The following CRK variants were observed in gnomAD, a reference collection of about 807,000 sequenced individuals.
CRK encodes adapter molecule crk.
A neutral mutation model predicts 29.8 loss-of-function variants in CRK; 4 were observed. The observed-to-expected ratio is 0.13, with a 90% CI of 0.07 to 0.31. The LOEUF is 0.31. Ranked by LOEUF, CRK falls within the 10% of genes least tolerant of loss-of-function variation. The probability of loss-of-function intolerance (pLI) is 1.00; values close to 1 mark genes in which losing one functional copy is unlikely to be tolerated. For synonymous variants in CRK, 153 were observed against 164.9 expected (o/e 0.93, Z 0.55); for missense variants, 274 against 396.5 (o/e 0.69, Z 2.62).
intron 2 of CRK, among the ~76,000 whole-genome samples, chr17:1,425,232 G>A (rs1236631291): frequency 1.3e-5 from 2 of 151,746 alleles, no homozygotes; most frequent in East Asian, 3.9e-4. Context: ...TGGGACTACA[G>A]CCGCCCGCCA....
At chr17:1,425,120 C>T (rs899715410) in intron 2 of CRK, among the ~76,000 whole-genome samples, 5 of 151,718 alleles carry the variant, frequency 3.3e-5, no homozygotes, top group Admixed American at 6.6e-5. Context: ...GACAGAGTCT[C>T]GATCTGTTGC....
intron 1 of CRK, among the ~76,000 whole-genome samples, chr17:1,452,453 C>T (rs76225067): frequency 6.6e-6 from 1 of 152,138 alleles, no homozygotes; most frequent in East Asian, 1.9e-4. Context: ...AGATTCAGTA[C>T]TTAGTACTTG....
intron 1 of CRK, among the ~76,000 whole-genome samples, chr17:1,450,194 G>A (rs1289317343): frequency 6.6e-6 from 1 of 151,900 alleles, no homozygotes; most frequent in African/African-American, 2.4e-5. Flanking sequence ...AACAGAGCAA[G>A]ACTCTGTCTC....
chr17:1,441,585 G>A (rs1321724859), intron 1 of CRK, among the ~76,000 whole-genome samples: 3 of 151,476 alleles, frequency 2.0e-5, no homozygotes, highest in African/African-American at 4.9e-5. Flanking sequence ...TCCACCTCCC[G>A]GGTTCAAGCA....
intron 2 of CRK, among the ~76,000 whole-genome samples, chr17:1,432,711 A>T (rs1372637500): frequency 6.7e-6 from 1 of 149,818 alleles, no homozygotes; most frequent in Non-Finnish European, 1.5e-5. Flanking sequence ...CAGGAGGCGG[A>T]GCTTGCAGTG....
intron 1 of CRK, among the ~76,000 whole-genome samples, chr17:1,453,287 G>GT (rs767234132): frequency 2.2e-4 from 33 of 152,230 alleles, no homozygotes; most frequent in Admixed American, 9.8e-4. Flanking sequence ...GATTATCACG[G>GT]TAAGTGTTGA....
intron 2 of CRK, among the ~76,000 whole-genome samples, chr17:1,426,062 G>C (rs1264463727): frequency 6.6e-6 from 1 of 150,596 alleles, no homozygotes; most frequent in Non-Finnish European, 1.5e-5. Flanking sequence ...GCCAAGCGTG[G>C]CCAAGCGTGC....
At chr17:1,432,476 TAAAAAAAAAA>T (rs59669841) in intron 2 of CRK, among the ~76,000 whole-genome samples, 10,048 of 100,916 alleles carry the variant, frequency 0.1, 481 homozygotes, top group South Asian at 0.19. Flanking sequence ...GACCTTGTCT[TAAAAAAAAAA>T]AAAAAAAAAG....
intron 1 of CRK, among the ~76,000 whole-genome samples, chr17:1,445,534 G>C (rs531092706): frequency 6.6e-6 from 1 of 152,192 alleles, no homozygotes; most frequent in Non-Finnish European, 1.5e-5. Flanking sequence ...CTGTAGCAGA[G>C]CACGGAGGTG....
chr17:1,439,736 A>T (rs2073919446), intron 1 of CRK, among the ~76,000 whole-genome samples: 2 of 151,984 alleles, frequency 1.3e-5, no homozygotes, highest in Admixed American at 6.6e-5. Context: ...CCAGCTACTC[A>T]GGACACTCAG....
At chr17:1,429,002 C>G (rs768313848) in intron 2 of CRK, among the ~76,000 whole-genome samples, 4 of 151,676 alleles carry the variant, frequency 2.6e-5, no homozygotes, top group Admixed American at 6.6e-5. Flanking sequence ...CACGCCACCA[C>G]GTCCGGCTAA....
intron 1 of CRK, among the ~76,000 whole-genome samples, chr17:1,447,346 G>T (rs2073983278): frequency 6.6e-6 from 1 of 151,788 alleles, no homozygotes; most frequent in South Asian, 2.1e-4. Context: ...GTGGAGTTAG[G>T]AAGTCACACA....
At chr17:1,450,662 T>C (rs1219242990) in intron 1 of CRK, among the ~76,000 whole-genome samples, 1 of 150,270 alleles carries the variant, frequency 6.7e-6, no homozygotes, top group Non-Finnish European at 1.5e-5. Flanking sequence ...GGCGAGCGGA[T>C]CACTTGAGGC....
At chr17:1,447,567 G>GACCC (rs1450243936) in intron 1 of CRK, among the ~76,000 whole-genome samples, 1 of 151,678 alleles carries the variant, frequency 6.6e-6, no homozygotes, top group Non-Finnish European at 1.5e-5. Context: ...CTACAAGAGC[G>GACCC]GGCCAGGCTC....
At chr17:1,424,436 C>T (rs1302856396) in intron 2 of CRK, 2 of 152,322 alleles carry the variant, frequency 1.3e-5, no homozygotes, top group African/African-American at 2.4e-5. Flanking sequence ...TGGCCTGTTA[C>T]TGCTTGCACA....
intron 1 of CRK, among the ~76,000 whole-genome samples, chr17:1,453,038 G>A (rs1043997496): frequency 2.0e-5 from 3 of 152,136 alleles, no homozygotes; most frequent in African/African-American, 7.2e-5. Context: ...AGCCCAGGAG[G>A]TCAAGGCTGC....
chr17:1,427,936 A>G (rs1367109233), intron 2 of CRK, among the ~76,000 whole-genome samples: 1 of 149,584 alleles, frequency 6.7e-6, no homozygotes, highest in East Asian at 2.0e-4. Flanking sequence ...CCCAGCCTAT[A>G]TTGTCTTTAT....
intron 1 of CRK, among the ~76,000 whole-genome samples, chr17:1,446,184 T>A (rs916322381): frequency 6.6e-6 from 1 of 152,140 alleles, no homozygotes; most frequent in Admixed American, 6.6e-5. Context: ...GCAAGCACAG[T>A]GTGGCTGGTG....
intron 1 of CRK, among the ~76,000 whole-genome samples, chr17:1,446,208 C>A (rs962819449): frequency 6.6e-6 from 1 of 152,132 alleles, no homozygotes; most frequent in African/African-American, 2.4e-5. Flanking sequence ...AAGGAGAAAG[C>A]GGCACGTCTT....
Sources: gnomAD v4.1 joint callset for allele counts (sites outside exome capture counted in the v4.1 genomes callset) on GRCh38, gnomAD v4.1.1 for gene constraint, MANE v1.5 for transcripts, NCBI Gene and HGNC (gene_info 2026-07-23, HGNC 2026-07-21) for gene names.